AFAP1L2: variants seen among roughly 807,000 people sequenced by gnomAD.
AFAP1L2 encodes the protein actin filament associated protein 1 like 2, also known as actin filament-associated protein 1-like 2.
A neutral mutation model predicts 99.3 loss-of-function variants in AFAP1L2; 46 were observed. That is an observed-to-expected ratio of 0.46 (90% CI 0.37 to 0.59). The LOEUF (loss-of-function observed/expected upper bound fraction) is 0.59. Ranked by LOEUF, AFAP1L2 falls within the 20% of genes least tolerant of loss-of-function variation. AFAP1L2 has a pLI of 0.00. For synonymous variants in AFAP1L2, 397 were observed against 419.1 expected (o/e 0.95, Z 0.64); for missense variants, 959 against 1,034.9 (o/e 0.93, Z 1.01).
Position 114,295,676 on chromosome 10 carries a change from G to A in AFAP1L2, c.*366C>T. The A allele has an allele frequency of 9.6e-7, 1 of 1,040,180 alleles. No homozygotes were observed. The highest frequency in any genetic ancestry group is 1.2e-6 in the Non-Finnish European group (1 of 864,584). 64.4% of individuals were successfully genotyped at this position (1,040,180 alleles called of 1,614,324 possible). A position where few individuals can be genotyped will look rare whatever the true frequency, so the allele number is the denominator to read the frequency against. ...AAAGACACGTGACCCATAAGACAGG[G>A]CCCTGCTTCCTTGATTCATCTTCCA... On this transcript the variant is annotated 3_prime_UTR_variant, in exon 19 of 19. Coordinates refer to ENST00000304129, the MANE Select transcript of AFAP1L2 (RefSeq NM_001001936.3).
chr10:114,343,860 G>A (rs540352507), intron 1 of AFAP1L2, among the ~76,000 whole-genome samples: 15 of 152,290 alleles, frequency 9.8e-5, no homozygotes, highest in South Asian at 2.1e-4. Flanking sequence ...GCCAAGAGCC[G>A]CACTGCCAGC....
intron 1 of AFAP1L2, among the ~76,000 whole-genome samples, chr10:114,350,392 T>G (rs2050280842): frequency 6.6e-6 from 1 of 152,242 alleles, no homozygotes; most frequent in African/African-American, 2.4e-5. Context: ...AACTTCTGTG[T>G]GGGTAGGGAC....
chr10:114,288,015 A>G, the AFAP1L2 span, among the ~76,000 whole-genome samples: 2 of 152,192 alleles, frequency 1.3e-5, no homozygotes, highest in African/African-American at 4.8e-5. Flanking sequence ...ACCAGTAATC[A>G]GAGCATCAGC....
chr10:114,350,793 G>A (rs943912795), intron 1 of AFAP1L2, among the ~76,000 whole-genome samples: 5 of 152,150 alleles, frequency 3.3e-5, no homozygotes, highest in South Asian at 2.1e-4. Flanking sequence ...GAGAACCCAC[G>A]GTGAAAGAAA....
intron 1 of AFAP1L2, among the ~76,000 whole-genome samples, chr10:114,395,268 C>T (rs758788959): frequency 2.0e-5 from 3 of 152,152 alleles, no homozygotes; most frequent in Non-Finnish European, 4.4e-5. Context: ...ATGCAAAGGG[C>T]GGTAGGGTGT....
chr10:114,371,079 A>G (rs1300390095), intron 1 of AFAP1L2, among the ~76,000 whole-genome samples: 1 of 152,194 alleles, frequency 6.6e-6, no homozygotes. Flanking sequence ...GCTGGTGTCC[A>G]CTGGGCCACC....
chr10:114,370,961 T>C (rs576595871), intron 1 of AFAP1L2, among the ~76,000 whole-genome samples: 2 of 152,284 alleles, frequency 1.3e-5, no homozygotes, highest in South Asian at 2.1e-4. Flanking sequence ...TCTCCAACCA[T>C]TGGGACTTAG....
intron 5 of AFAP1L2, among the ~76,000 whole-genome samples, chr10:114,321,645 C>G (rs1321066973): frequency 6.6e-6 from 1 of 152,186 alleles, no homozygotes; most frequent in Admixed American, 6.5e-5. Flanking sequence ...GCTTTGAAAG[C>G]CCTTTCACCT....
At chr10:114,305,427 AGGAGGGGACG>A (rs1589982934) in intron 10 of AFAP1L2, among the ~76,000 whole-genome samples, 1 of 5,078 alleles carries the variant, frequency 2.0e-4, no homozygotes, top group East Asian at 0.014. Flanking sequence ...ATGCAGATGC[AGGAGGGGACG>A]CAGATGCAGG....
chr10:114,349,784 TATCTCC>T (rs996206334), intron 1 of AFAP1L2, among the ~76,000 whole-genome samples: 2 of 138,890 alleles, frequency 1.4e-5, no homozygotes, highest in Non-Finnish European at 3.1e-5. Flanking sequence ...AGTTTTTCTT[TATCTCC>T]ATCTCCAAGA....
chr10:114,286,220 C>A, the AFAP1L2 span: 1 of 1,613,480 alleles, frequency 6.2e-7, no homozygotes. Context: ...CAGTGCCTTG[C>A]GGCAGGCGGC....
intron 1 of AFAP1L2, among the ~76,000 whole-genome samples, chr10:114,369,792 G>A (rs971530391): frequency 6.6e-6 from 1 of 151,938 alleles, no homozygotes; most frequent in Non-Finnish European, 1.5e-5. Context: ...ATATGTATAC[G>A]TACTGCAATA....
intron 5 of AFAP1L2, among the ~76,000 whole-genome samples, chr10:114,322,734 A>C (rs1464814230): frequency 6.6e-6 from 1 of 152,116 alleles, no homozygotes; most frequent in Non-Finnish European, 1.5e-5. Flanking sequence ...GGAGCACCAT[A>C]ACTATGAGTC....
chr10:114,309,411 C>T (rs1357430272), intron 8 of AFAP1L2, among the ~76,000 whole-genome samples: 2 of 152,150 alleles, frequency 1.3e-5, no homozygotes. Flanking sequence ...CCTTTCTGCT[C>T]GAGCCCTCTG....
At position 114,295,889 on chromosome 10, in the gene AFAP1L2, C is replaced by A. The variant is rs746022777; in HGVS notation, c.*153G>T. ...CCTTTGGCTCTGAAAAGGGACAGAG[C>A]CTCCTCTTAGCTGAAGCTCTCCATT... On this transcript the variant is annotated 3_prime_UTR_variant, in exon 19 of 19. Transcript: ENST00000304129. The A allele has an allele frequency of 8.5e-6, 13 of 1,524,208 alleles. No homozygotes were observed. The highest frequency in any genetic ancestry group is 5.5e-5 in the African/African-American group (4 of 72,462). The allele number at this position is 1,524,208 out of a possible 1,614,324, so 94.4% of individuals were successfully genotyped here. A position where few individuals can be genotyped will look rare whatever the true frequency, so the allele number is the denominator to read the frequency against.
At chr10:114,382,927 A>G (rs2055897485) in intron 1 of AFAP1L2, among the ~76,000 whole-genome samples, 2 of 152,202 alleles carry the variant, frequency 1.3e-5, no homozygotes, top group Non-Finnish European at 1.5e-5. Context: ...ACTAGAAGAA[A>G]GGACTTCAAA....
intron 1 of AFAP1L2, among the ~76,000 whole-genome samples, chr10:114,346,792 T>C (rs928800014): frequency 1.3e-5 from 2 of 152,198 alleles, no homozygotes; most frequent in African/African-American, 4.8e-5. Context: ...ATAAGTTTCT[T>C]GTTTGAGACT....
rs2040011720 is a variant in AFAP1L2 at position 114,295,183 on chromosome 10, A to T, written c.*859T>A. The T allele has an allele frequency of 1.0e-6, 1 of 985,682 alleles. No homozygotes were observed. The highest frequency in any genetic ancestry group is 1.2e-6 in the Non-Finnish European group (1 of 829,860). 61.1% of individuals were successfully genotyped at this position (985,682 alleles called of 1,614,324 possible). The stretch of plus-strand genomic sequence containing the variant: ...TAAAATCAGAGACTATTTATATTAA[A>T]TAACTCTTCCCTTAAAAATGGCCTG... On this transcript the variant is annotated 3_prime_UTR_variant, in exon 19 of 19. Coordinates refer to ENST00000304129, the MANE Select transcript of AFAP1L2 (RefSeq NM_001001936.3).
At chr10:114,399,532 T>C (rs116373159) in intron 1 of AFAP1L2, among the ~76,000 whole-genome samples, 95 of 152,322 alleles carry the variant, frequency 6.2e-4, no homozygotes, top group African/African-American at 2.1e-3. Context: ...AGGGATATTA[T>C]ATCCTATTTC....
Sources: allele counts gnomAD v4.1 joint callset (sites outside exome capture counted in the v4.1 genomes callset), GRCh38; gene constraint gnomAD v4.1.1; transcripts MANE v1.5; gene names NCBI Gene and HGNC (gene_info 2026-07-23, HGNC 2026-07-21).